The following ITGB1BP2 variants were observed in gnomAD, a reference collection of about 807,000 sequenced individuals.
ITGB1BP2 encodes integrin subunit beta 1 binding protein 2, also known as integrin beta-1-binding protein 2.
ITGB1BP2 carries 27 observed loss-of-function variants against 32.2 expected under a neutral mutation model. The ratio of observed to expected loss-of-function variants is 0.84; its 90% CI spans 0.62 to 1.16. The LOEUF (loss-of-function observed/expected upper bound fraction) is 1.16. Ranked by LOEUF, ITGB1BP2 falls within the 50% of genes most tolerant of loss-of-function variation. The pLI is 0.00. For synonymous variants in ITGB1BP2, 105 were observed against 94.7 expected, an observed-to-expected ratio of 1.11 and a Z score of -0.63; for missense variants, 250 against 267.3, an observed-to-expected ratio of 0.94 and a Z score of 0.45.
At position 71,302,397 on chromosome X, in the gene ITGB1BP2, C is replaced by T; in HGVS notation, c.172-14C>T. 1.7e-6 allele frequency: 2 copies of T among 1,210,909 alleles called. No homozygotes were observed. The highest frequency in any genetic ancestry group is 2.2e-6 in the Non-Finnish European group (2 of 895,067). On this transcript the variant is annotated splice_polypyrimidine_tract_variant and intron_variant, in intron 3 of 10. Transcript: ENST00000373829. ...AGGATTCTATCCCTAATCCTATCTC[C>T]TTATCTATACTAGGGCTGTACTATG... is the stretch of plus-strand genomic sequence containing the variant.
intron 1 of ITGB1BP2, 91 bp downstream of exon 1, chrX:71,301,961 G>T: frequency 8.7e-6 from 8 of 915,298 alleles, no homozygotes; most frequent in Middle Eastern, 2.8e-4. Context: ...AGCGGGGAAA[G>T]AAACTACCTG....
At position 71,301,823 on chromosome X, in the gene ITGB1BP2, G is replaced by A. The variant is rs755426204; in HGVS notation, c.17G>A (p.Arg6His). The A allele has an allele frequency of 9.1e-6, 11 of 1,207,721 alleles. No individual in the cohort carries two copies. Among genetic ancestry groups the A allele is most frequent in the Admixed American group, 4.4e-5 (2 of 45,540 alleles). Reference protein sequence around the residue: MSLLCRNKGCGQHFDP... With the variant: MSLLCHNKGCGQHFDP... ...AACGCTTCCATGTCTCTACTCTGTC[G>A]TAACAAAGGCTGTGGGCAGCACTTT... is the stretch of plus-strand genomic sequence containing the variant. Residue 6 changes from arginine (R) to histidine (H), a missense_variant, in exon 1 of 11, where the codon CGT (arginine) becomes CAT (histidine). Arg to His is a conservative substitution (Grantham distance 29). Coordinates refer to ENST00000373829, the MANE Select transcript of ITGB1BP2 (RefSeq NM_012278.4).
In ITGB1BP2 at chrX:71,305,294, G is replaced by T; in HGVS notation, c.*102G>T. On this transcript the variant is annotated 3_prime_UTR_variant, in exon 11 of 11. Transcript: ENST00000373829. ...ATGTGGCATCATTGAGCAGCAGGAG[G>T]CTGAAGGAGGGGAGAACAAAATTGT... The T allele has an allele frequency of 1.4e-6, 1 of 740,140 alleles. No individual in the cohort carries two copies. The highest frequency in any genetic ancestry group is 2.7e-5 in the South Asian group (1 of 37,444). 61.0% of individuals were successfully genotyped at this position (740,140 alleles called of 1,213,427 possible). A position where few individuals can be genotyped will look rare whatever the true frequency, so the allele number is the denominator to read the frequency against.
Position 71,303,256 on chromosome X carries a change from C to T in ITGB1BP2, c.318-6C>T. 1.7e-6 allele frequency: 2 copies of T among 1,206,589 alleles called. No individual in the cohort carries two copies. The highest frequency in any genetic ancestry group is 2.2e-6 in the Non-Finnish European group (2 of 891,508). On this transcript the variant is annotated splice_polypyrimidine_tract_variant and splice_region_variant and intron_variant, in intron 4 of 10. Coordinates refer to ENST00000373829, the MANE Select transcript of ITGB1BP2 (RefSeq NM_012278.4). ...TCAGAACTAAATCACCACCCTTAAC[C>T]CCTAGGTCAGAGTTGCCTCTGAAGC...
Position 71,303,516 on chromosome X carries a change from TGTGA to T in ITGB1BP2, c.468+6_468+9del, listed in dbSNP as rs746675228. The T allele has an allele frequency of 4.1e-6, 5 of 1,209,113 alleles. No individual in the cohort carries two copies. The highest frequency in any genetic ancestry group is 3.5e-5 in the South Asian group (2 of 56,767). On this transcript the variant is annotated splice_donor_variant and splice_donor_region_variant and intron_variant, in intron 6 of 10. Transcript: ENST00000373829. LOFTEE classifies it high-confidence loss of function. ...GCTGCCAGAACCCAGGATGTGATGC[TGTGA>T]GTGAGAGTTTTGAGGGGCTCAAGCA... is the stretch of plus-strand genomic sequence containing the variant.
In ITGB1BP2 at chrX:71,302,133, A is replaced by G. The variant is rs1425796231; in HGVS notation, c.65-4A>G. ...TCCTTGATAACTTCTACTGATGTCCACAGATTCCTGTTGCCATCACCCTGG... is the reference window on the plus strand; with the variant it reads ...TCCTTGATAACTTCTACTGATGTCCGCAGATTCCTGTTGCCATCACCCTGG... On this transcript the variant is annotated splice_region_variant and splice_polypyrimidine_tract_variant and intron_variant, in intron 1 of 10. Transcript: ENST00000373829. 2 of 1,207,186 alleles carry G rather than the reference A, an allele frequency of 1.7e-6. No individual in the cohort carries two copies. Among genetic ancestry groups the G allele is most frequent in the Non-Finnish European group, 2.2e-6 (2 of 894,120 alleles).
rs1602393501 is a variant in ITGB1BP2 at position 71,301,971 on chromosome X, G to A, written c.64+101G>A. 4 of 896,413 alleles carry A rather than the reference G, an allele frequency of 4.5e-6. No individual in the cohort carries two copies. In the East Asian group the frequency reaches 1.3e-4, roughly 28 times the overall value. 73.9% of individuals were successfully genotyped at this position (896,413 alleles called of 1,213,427 possible). The stretch of plus-strand genomic sequence containing the variant: ...TGAGGAGCGGGGAAAGAAACTACCT[G>A]CCCTAGTTTAATTGGTCTGAGTGAT... On this transcript the variant is annotated intron_variant, in intron 1 of 10. Coordinates refer to ENST00000373829, the MANE Select transcript of ITGB1BP2 (RefSeq NM_012278.4).
rs2031656208 is a variant in ITGB1BP2, at chrX:71,303,921, A to T, written c.639+10A>T. On this transcript the variant is annotated intron_variant, in intron 8 of 10. Transcript: ENST00000373829. ...TGACTGGGGGAAGCAGGTAAGCCCC[A>T]GCTTTCCTGAACTCTTGATTAGAAC... 1 of 1,171,758 alleles carries T rather than the reference A, an allele frequency of 8.5e-7. No homozygotes were observed.
At position 71,303,518 on chromosome X, in the gene ITGB1BP2, T is replaced by C; in HGVS notation, c.468+2T>C. 3.3e-6 allele frequency: 4 copies of C among 1,211,034 alleles called. No individual in the cohort carries two copies. The highest frequency in any genetic ancestry group is 4.5e-6 in the Non-Finnish European group (4 of 895,202). On this transcript the variant is annotated splice_donor_variant, in intron 6 of 10. Transcript: ENST00000373829. LOFTEE classifies it high-confidence loss of function. ...TGCCAGAACCCAGGATGTGATGCTG[T>C]GAGTGAGAGTTTTGAGGGGCTCAAG...
Position 71,305,089 on chromosome X carries a change from G to T in ITGB1BP2, c.941G>T (p.Arg314Met), listed in dbSNP as rs1245528101. Reference protein sequence around the residue: ...EHPDALAKKARAGVVLEMDEE... With the variant: ...EHPDALAKKAMAGVVLEMDEE... Reference sequence around the variant, plus strand: ...CCTGATGCACTAGCTAAGAAGGCTAGGGCAGGGGTTGTGTTAGAGATGGAT... The same window carrying T: ...CCTGATGCACTAGCTAAGAAGGCTATGGCAGGGGTTGTGTTAGAGATGGAT... The change falls in exon 11 of 11, where the codon AGG becomes ATG. Residue 314 changes from arginine (R) to methionine (M), a missense_variant. Arg to Met is a moderately conservative substitution (Grantham distance 91). Coordinates refer to ENST00000373829, the MANE Select transcript of ITGB1BP2 (RefSeq NM_012278.4). 2 of 1,211,398 alleles carry T rather than the reference G, an allele frequency of 1.7e-6. No homozygotes were observed. Among genetic ancestry groups the T allele is most frequent in the Admixed American group, 2.2e-5 (1 of 45,953 alleles).
chrX:71,302,203 G>T lies in ITGB1BP2; in HGVS notation c.114+17G>T. The T allele has an allele frequency of 8.3e-7, 1 of 1,210,867 alleles. No homozygotes were observed. The highest frequency in any genetic ancestry group is 1.1e-6 in the Non-Finnish European group (1 of 895,009). ...GCACTTAAGGTGAGGAGTAGGTGAG[G>T]GGGGTTAGCAAGAGCATTTCCCAGA... On this transcript the variant is annotated intron_variant, in intron 2 of 10. Transcript: ENST00000373829.
intron 8 of ITGB1BP2, 91 bp downstream of exon 8, chrX:71,304,002 T>A: frequency 1.2e-6 from 1 of 814,242 alleles, no homozygotes; most frequent in Non-Finnish European, 1.8e-6. Flanking sequence ...AAGCTCCCTG[T>A]CTTCTCCCTT....
At chrX:71,304,928 TTC>T (rs1393915304) in intron 10 of ITGB1BP2, 35 bp from the exon 11 acceptor site, 2 of 1,112,291 alleles carry the variant, frequency 1.8e-6, no homozygotes, top group African/African-American at 1.8e-5. Context: ...GATTTCCTCA[TTC>T]TCTCTTTCTT....
intron 8 of ITGB1BP2, 79 bp from the exon 9 acceptor site, chrX:71,304,108 C>T: frequency 1.2e-6 from 1 of 822,397 alleles, no homozygotes; most frequent in South Asian, 2.3e-5. Context: ...CTCTCTGTCT[C>T]TTCTCCACGT....
At position 71,305,305 on chromosome X, in the gene ITGB1BP2, G is replaced by A. The variant is rs1310659035; in HGVS notation, c.*113G>A. On this transcript the variant is annotated 3_prime_UTR_variant, in exon 11 of 11. Coordinates refer to ENST00000373829, the MANE Select transcript of ITGB1BP2 (RefSeq NM_012278.4). ...TTGAGCAGCAGGAGGCTGAAGGAGG[G>A]GAGAACAAAATTGTCCAAACCATGC... 4 of 651,244 alleles carry A rather than the reference G, an allele frequency of 6.1e-6. No homozygotes were observed. The African/African-American group carries it at 8.8e-5, about 14-fold the overall frequency. The allele number at this position is 651,244 out of a possible 1,213,427, so 53.7% of individuals were successfully genotyped here. A position where few individuals can be genotyped will look rare whatever the true frequency, so the allele number is the denominator to read the frequency against.
rs2031626598 is a variant in ITGB1BP2, at chrX:71,302,269, G to C, written c.115-8G>C. The C allele has an allele frequency of 8.3e-7, 1 of 1,211,246 alleles. No individual in the cohort carries two copies. Among genetic ancestry groups the C allele is most frequent in the African/African-American group, 1.7e-5 (1 of 57,686 alleles). On this transcript the variant is annotated splice_region_variant and splice_polypyrimidine_tract_variant and intron_variant, in intron 2 of 10. Transcript: ENST00000373829. Reference sequence around the variant, plus strand: ...GAAGCTAAGCTGATCTGGGTCTCTTGTTATCAGGGTTGGTCCTGCTGCCGA... The same window carrying C: ...GAAGCTAAGCTGATCTGGGTCTCTTCTTATCAGGGTTGGTCCTGCTGCCGA...
At position 71,304,500 on chromosome X, in the gene ITGB1BP2, C is replaced by A. The variant is rs535203174; in HGVS notation, c.754-42C>A. The A allele has an allele frequency of 2.6e-6, 3 of 1,155,021 alleles. No individual in the cohort carries two copies. In the South Asian group the frequency reaches 5.5e-5, roughly 21 times the overall value. On this transcript the variant is annotated intron_variant, in intron 9 of 10. Transcript: ENST00000373829. ...TATCTGTCGTAATGACCTATTCTGA[C>A]CTTCTGGGTTTGTTACTACCCCTGT...
rs750821827 is a variant in ITGB1BP2, at chrX:71,305,201, G to T, written c.*9G>T. On this transcript the variant is annotated 3_prime_UTR_variant, in exon 11 of 11. Coordinates refer to ENST00000373829, the MANE Select transcript of ITGB1BP2 (RefSeq NM_012278.4). The stretch of plus-strand genomic sequence containing the variant: ...AAGCAATGGGGGAATAGTGACACCA[G>T]ACAGTTGATGTCTAGATAGGACCTC... The T allele has an allele frequency of 1.7e-6, 2 of 1,154,490 alleles. No homozygotes were observed. The highest frequency in any genetic ancestry group is 2.3e-6 in the Non-Finnish European group (2 of 851,627).
chrX:71,305,018 C>G lies in ITGB1BP2; in HGVS notation c.870C>G (p.Ile290Met). The G allele has an allele frequency of 8.3e-7, 1 of 1,211,471 alleles. No homozygotes were observed. Among genetic ancestry groups the G allele is most frequent in the Non-Finnish European group, 1.1e-6 (1 of 895,332 alleles). The change falls in exon 11 of 11, where the codon ATC (isoleucine) becomes ATG (methionine). Residue 290 changes from isoleucine to methionine, a missense_variant. Ile to Met is a conservative substitution (Grantham distance 10). Transcript: ENST00000373829. ...SVFLMPSRVE[I>M]SLVKADPGSW... ...TCTTGATGCCATCTCGGGTTGAAAT[C>G]TCCCTGGTCAAGGCTGACCCAGGAT...
Sources: allele counts gnomAD v4.1 joint callset, GRCh38; gene constraint gnomAD v4.1.1; transcripts MANE v1.5; gene names NCBI Gene and HGNC (gene_info 2026-07-23, HGNC 2026-07-21).